ARHGAP26: variants seen among roughly 807,000 people sequenced by gnomAD.
ARHGAP26 encodes the protein rho GTPase-activating protein 26.
Under a neutral mutation model 104.8 loss-of-function variants are expected in ARHGAP26, and 38 were observed. The ratio of observed to expected loss-of-function variants is 0.36; its 90% CI spans 0.28 to 0.48. ARHGAP26 has a LOEUF of 0.48. ARHGAP26 is among the 20% of genes least tolerant of loss of function. ARHGAP26 has a pLI of 0.99. For synonymous variants in ARHGAP26, 341 were observed against 340.0 expected, an observed-to-expected ratio of 1.00 and a Z score of -0.03; for missense variants, 704 against 947.9, an observed-to-expected ratio of 0.74 and a Z score of 3.38.
chr5:142,936,395 A>G lies in ARHGAP26; in HGVS notation c.1107+4270A>G, dbSNP rs1446081856. ...AAGAAACTAAAGAGGATCTGAGTAA[A>G]TGGAGAGACATTAATGGGTTGGAAA... On this transcript the variant is annotated intron_variant, in intron 11 of 22. Coordinates refer to ENST00000645722, the MANE Select transcript of ARHGAP26 (RefSeq NM_001135608.3). Among the ~76,000 whole-genome samples, 13 of 152,194 alleles carry G rather than the reference A, an allele frequency of 8.5e-5. No homozygotes were observed. In the East Asian group the frequency reaches 2.5e-3, roughly 29 times the overall value.
intron 1 of ARHGAP26, among the ~76,000 whole-genome samples, chr5:142,786,654 A>ATTTTTTTTTTTTTTTTTTTTTTTTTTTT (rs70991779): frequency 9.6e-6 from 1 of 104,446 alleles, no homozygotes; most frequent in African/African-American, 3.4e-5. Context: ...GAGTTCTAGA[A>ATTTTTTTTTTTTTTTTTTTTTTTTTTTT]TTTTTTTTTT....
chr5:143,129,152 A>C (rs1797042687), intron 18 of ARHGAP26, among the ~76,000 whole-genome samples: 1 of 152,248 alleles, frequency 6.6e-6, no homozygotes, highest in Non-Finnish European at 1.5e-5. Flanking sequence ...AAGAACAGGA[A>C]ATTCTGTCAT....
In ARHGAP26 at chr5:142,824,845, G is replaced by T. The variant is rs540876486; in HGVS notation, c.155-48555G>T. Among the ~76,000 whole-genome samples, 7 of 152,340 alleles carry T rather than the reference G, an allele frequency of 4.6e-5. No individual in the cohort carries two copies. The East Asian group carries it at 1.3e-3, about 29-fold the overall frequency. ...AGGGGCTAGGCTTTCAGCAAAATGT[G>T]CAGGAACTATGTTTCAGGAGTGGGG... On this transcript the variant is annotated intron_variant, in intron 1 of 22. Coordinates refer to ENST00000645722, the MANE Select transcript of ARHGAP26 (RefSeq NM_001135608.3).
intron 1 of ARHGAP26, among the ~76,000 whole-genome samples, chr5:142,844,423 T>C (rs1269115464): frequency 1.3e-5 from 2 of 151,798 alleles, no homozygotes; most frequent in Non-Finnish European, 2.9e-5. Context: ...TTTTTTTTTT[T>C]CTTTTTGAGG....
chr5:143,150,822 A>G (rs1346918508), intron 20 of ARHGAP26, among the ~76,000 whole-genome samples: 1 of 152,252 alleles, frequency 6.6e-6, no homozygotes, highest in African/African-American at 2.4e-5. Flanking sequence ...TAAAACCTCT[A>G]GAAGATAACA....
At chr5:142,834,958 A>G (rs1157691141) in intron 1 of ARHGAP26, among the ~76,000 whole-genome samples, 2 of 152,226 alleles carry the variant, frequency 1.3e-5, no homozygotes, top group African/African-American at 2.4e-5. Flanking sequence ...TTGTTAATAC[A>G]GAGCTCTATA....
chr5:142,937,108 T>G (rs1422806103), intron 11 of ARHGAP26, among the ~76,000 whole-genome samples: 3 of 152,144 alleles, frequency 2.0e-5, no homozygotes, highest in Admixed American at 1.3e-4. Flanking sequence ...AGAAAATATT[T>G]GCAAAAACAT....
At chr5:143,171,344 A>G (rs982423739) in intron 20 of ARHGAP26, among the ~76,000 whole-genome samples, 6 of 152,190 alleles carry the variant, frequency 3.9e-5, no homozygotes, top group Admixed American at 1.3e-4. Context: ...CAAGTCATCC[A>G]TCGTCTTGAG....
At chr5:142,978,051 A>G (rs1277628229) in intron 11 of ARHGAP26, among the ~76,000 whole-genome samples, 1 of 152,208 alleles carries the variant, frequency 6.6e-6, no homozygotes, top group Non-Finnish European at 1.5e-5. Flanking sequence ...GACATCTTGA[A>G]AATATTTTCC....
chr5:143,101,659 C>G (rs1253002229), intron 17 of ARHGAP26, among the ~76,000 whole-genome samples: 2 of 149,814 alleles, frequency 1.3e-5, no homozygotes, highest in Non-Finnish European at 3.0e-5. Flanking sequence ...TTTAATTTCC[C>G]TGAAACAGAC....
chr5:142,803,701 G>A (rs1762467111), intron 1 of ARHGAP26, among the ~76,000 whole-genome samples: 2 of 152,198 alleles, frequency 1.3e-5, no homozygotes, highest in Non-Finnish European at 2.9e-5. Flanking sequence ...GCAGTTAGAG[G>A]TCAGCAGGCA....
Position 142,951,000 on chromosome 5 carries a change from T to C in ARHGAP26, c.1107+18875T>C, listed in dbSNP as rs57253759. ...CCCTTTCCCTTCCTCTTTCCCTTTC[T>C]CTTTCCCTTTCCCTTTCCCTTTCTC... On this transcript the variant is annotated intron_variant, in intron 11 of 22. Transcript: ENST00000645722. Among the ~76,000 whole-genome samples, 159 of 26,960 alleles carry C rather than the reference T, an allele frequency of 5.9e-3. 2 individuals are homozygous for C. Among genetic ancestry groups the C allele is most frequent in the East Asian group, 0.046 (112 of 2,456 alleles). The allele number at this position is 26,960 out of a possible 152,430, so 17.7% of individuals were successfully genotyped here.
chr5:142,913,424 G>A, intron 10 of ARHGAP26, 131 bp downstream of exon 10: 2 of 704,016 alleles, frequency 2.8e-6, no homozygotes, highest in Non-Finnish European at 4.6e-6. Context: ...TTCTCCCCCT[G>A]CCTCCTTCCT....
At chr5:143,185,705 G>A (rs1362888299) in intron 20 of ARHGAP26, among the ~76,000 whole-genome samples, 3 of 152,156 alleles carry the variant, frequency 2.0e-5, no homozygotes, top group African/African-American at 2.4e-5. Context: ...TACCAGACAC[G>A]GTGCCCACCT....
In ARHGAP26 at chr5:142,873,507, C is replaced by T. The variant is rs377359847; in HGVS notation, c.250+12C>T. Reference sequence around the variant, plus strand: ...TGAGATGTGTATAGGTAAGTCATAACTGTGCAGAAGATAAAAATGTTCATT... The same window carrying T: ...TGAGATGTGTATAGGTAAGTCATAATTGTGCAGAAGATAAAAATGTTCATT... On this transcript the variant is annotated intron_variant, in intron 2 of 22. Coordinates refer to ENST00000645722, the MANE Select transcript of ARHGAP26 (RefSeq NM_001135608.3). 1.5e-5 allele frequency: 23 copies of T among 1,522,076 alleles called. No individual in the cohort carries two copies. Among genetic ancestry groups the T allele is most frequent in the Non-Finnish European group, 2.0e-5 (23 of 1,131,026 alleles). The allele number at this position is 1,522,076 out of a possible 1,614,324, so 94.3% of individuals were successfully genotyped here.
At chr5:142,994,959 A>G (rs991554508) in intron 11 of ARHGAP26, among the ~76,000 whole-genome samples, 4 of 152,220 alleles carry the variant, frequency 2.6e-5, no homozygotes, top group African/African-American at 9.6e-5. Flanking sequence ...GGTGTTGGGA[A>G]AACTGGCTAG....
chr5:142,858,662 A>G (rs1426990381), intron 1 of ARHGAP26, among the ~76,000 whole-genome samples: 1 of 152,210 alleles, frequency 6.6e-6, no homozygotes, highest in Non-Finnish European at 1.5e-5. Flanking sequence ...CCTTTTATGA[A>G]CAAAACAGTC....
intron 1 of ARHGAP26, among the ~76,000 whole-genome samples, chr5:142,798,289 C>G (rs1761387333): frequency 6.6e-6 from 1 of 152,198 alleles, no homozygotes; most frequent in Admixed American, 6.5e-5. Context: ...CCCTTTGATG[C>G]TCATGTGCCT....
intron 11 of ARHGAP26, among the ~76,000 whole-genome samples, chr5:142,965,042 C>T (rs1471044500): frequency 6.6e-6 from 1 of 152,114 alleles, no homozygotes; most frequent in Non-Finnish European, 1.5e-5. Flanking sequence ...GACAAGGGGC[C>T]CTTCCCTGCC....
Sources: gnomAD v4.1 joint callset for allele counts (sites outside exome capture counted in the v4.1 genomes callset) on GRCh38, gnomAD v4.1.1 for gene constraint, MANE v1.5 for transcripts, NCBI Gene and HGNC (gene_info 2026-07-23, HGNC 2026-07-21) for gene names.